The following CENPP variants were observed in gnomAD, a reference collection of about 807,000 sequenced individuals.
CENPP encodes centromere protein P.
In CENPP, 24 loss-of-function variants were observed where a neutral mutation model predicts 35.6. The observed-to-expected ratio is 0.67, with a 90% CI of 0.49 to 0.95. The LOEUF (loss-of-function observed/expected upper bound fraction) is 0.95. CENPP is among the 40% of genes least tolerant of loss of function. CENPP has a pLI of 0.00. For missense variants in CENPP, 332 were observed against 345.3 expected (o/e 0.96, Z 0.31); for synonymous variants, 120 against 125.5 (o/e 0.96, Z 0.29).
At chr9:92,514,529 C>T in intron 5 of CENPP, 1 of 1,444,114 alleles carries the variant, frequency 6.9e-7, no homozygotes, top group Admixed American at 2.5e-5. Flanking sequence ...GCCACCTCAG[C>T]CTTTCAAAGT....
At chr9:92,600,596 A>G in intron 5 of CENPP, 1 of 1,592,766 alleles carries the variant, frequency 6.3e-7, no homozygotes, top group Non-Finnish European at 8.5e-7. Context: ...CTGGGGCATC[A>G]GTCACTACCA....
chr9:92,514,957 C>T, intron 5 of CENPP: 5 of 1,614,082 alleles, frequency 3.1e-6, no homozygotes, highest in Non-Finnish European at 4.2e-6. Flanking sequence ...TCTGCTGTCC[C>T]CCTCACTGTA....
intron 5 of CENPP, among the ~76,000 whole-genome samples, chr9:92,579,966 G>T (rs866157805): frequency 6.7e-6 from 1 of 148,160 alleles, no homozygotes; most frequent in Non-Finnish European, 1.5e-5. Flanking sequence ...ATTATTTTGA[G>T]ATACGTCCCA....
chr9:92,390,329 A>G (rs1411469880), intron 5 of CENPP, among the ~76,000 whole-genome samples: 1 of 152,208 alleles, frequency 6.6e-6, no homozygotes, highest in Non-Finnish European at 1.5e-5. Context: ...TCTCTGTTCA[A>G]ATTCCTTGGG....
chr9:92,602,168 A>G (rs187719239), intron 5 of CENPP, among the ~76,000 whole-genome samples: 11 of 152,350 alleles, frequency 7.2e-5, no homozygotes, highest in African/African-American at 2.2e-4. Flanking sequence ...GGGCTTGAGC[A>G]TCACGACCAA....
chr9:92,567,654 T>C lies in CENPP; in HGVS notation c.565-43660T>C, dbSNP rs76567535. ...TTCTACATAATTTAAGAAACTAATGTATTTCAAAGAATTTGTAGCTTGTGT... is the reference window on the plus strand; with the variant it reads ...TTCTACATAATTTAAGAAACTAATGCATTTCAAAGAATTTGTAGCTTGTGT... On this transcript the variant is annotated intron_variant, in intron 5 of 7. Coordinates refer to ENST00000375587, the MANE Select transcript of CENPP (RefSeq NM_001012267.3). Among the ~76,000 whole-genome samples the C allele has an allele frequency of 6.3e-3, 960 of 152,230 alleles. 9 individuals carry two copies. Among genetic ancestry groups the C allele is most frequent in the African/African-American group, 0.022 (922 of 41,564 alleles).
intron 5 of CENPP, among the ~76,000 whole-genome samples, chr9:92,508,788 T>C (rs1404006898): frequency 3.9e-5 from 6 of 152,194 alleles, no homozygotes; most frequent in Non-Finnish European, 7.3e-5. Flanking sequence ...CCTGTGAAGT[T>C]TTTTGGGAGC....
At chr9:92,417,486 A>G in intron 5 of CENPP, 1 of 1,613,896 alleles carries the variant, frequency 6.2e-7, no homozygotes, top group Non-Finnish European at 8.5e-7. Flanking sequence ...TCCCACTGAT[A>G]AGTTTCATAT....
At chr9:92,547,117 G>A (rs1297956706) in intron 5 of CENPP, among the ~76,000 whole-genome samples, 1 of 152,166 alleles carries the variant, frequency 6.6e-6, no homozygotes, top group Non-Finnish European at 1.5e-5. Flanking sequence ...CGGCGTAAGT[G>A]TAACAGTCCA....
intron 5 of CENPP, among the ~76,000 whole-genome samples, chr9:92,412,115 TCTCA>T (rs1843462196): frequency 6.6e-6 from 1 of 151,950 alleles, no homozygotes; most frequent in African/African-American, 2.4e-5. Flanking sequence ...AGAGACGGGG[TCTCA>T]CTCTATTGCC....
intron 5 of CENPP, among the ~76,000 whole-genome samples, chr9:92,565,973 T>G (rs1369430813): frequency 6.6e-6 from 1 of 152,154 alleles, no homozygotes; most frequent in Non-Finnish European, 1.5e-5. Flanking sequence ...ATTATTAGAT[T>G]CAAATGTCCA....
At chr9:92,430,842 C>G (rs1844089629) in intron 5 of CENPP, among the ~76,000 whole-genome samples, 1 of 152,132 alleles carries the variant, frequency 6.6e-6, no homozygotes, top group Admixed American at 6.5e-5. Context: ...TGTCACCAGG[C>G]TGGAGTGCAG....
chr9:92,457,610 T>C, intron 5 of CENPP: 1 of 713,728 alleles, frequency 1.4e-6, no homozygotes, highest in Admixed American at 2.7e-5. Flanking sequence ...TGAATGTATT[T>C]TCAGGTAAAG....
intron 5 of CENPP, among the ~76,000 whole-genome samples, chr9:92,459,216 C>T (rs1845001260): frequency 6.6e-6 from 1 of 152,236 alleles, no homozygotes; most frequent in African/African-American, 2.4e-5. Context: ...TAGCACCACA[C>T]TGAAAGCGAA....
intron 5 of CENPP, chr9:92,528,055 A>G (rs1848523255): frequency 6.6e-6 from 1 of 152,634 alleles, no homozygotes; most frequent in Non-Finnish European, 1.5e-5. Context: ...GTCGCTTCCT[A>G]GAGAATCATT....
chr9:92,330,005 T>A (rs1840691726), intron 1 of CENPP, among the ~76,000 whole-genome samples: 1 of 152,230 alleles, frequency 6.6e-6, no homozygotes, highest in Admixed American at 6.5e-5. Flanking sequence ...TTACAGACTT[T>A]ATTAAGTCTT....
chr9:92,559,680 T>C (rs1423693575), intron 5 of CENPP, among the ~76,000 whole-genome samples: 2 of 152,146 alleles, frequency 1.3e-5, no homozygotes, highest in Non-Finnish European at 2.9e-5. Context: ...TAATTTTTTT[T>C]CATAGAGATG....
chr9:92,508,898 A>G (rs1350335364), intron 5 of CENPP, among the ~76,000 whole-genome samples: 1 of 152,152 alleles, frequency 6.6e-6, no homozygotes, highest in Non-Finnish European at 1.5e-5. Context: ...GGAAACAGAC[A>G]GTGTTGAGCA....
chr9:92,378,497 G>A (rs1402587058), intron 4 of CENPP, among the ~76,000 whole-genome samples: 1 of 152,158 alleles, frequency 6.6e-6, no homozygotes, highest in East Asian at 1.9e-4. Context: ...CTTGATTCCT[G>A]AAGACTCTAC....
Sources: allele counts gnomAD v4.1 joint callset (sites outside exome capture counted in the v4.1 genomes callset), GRCh38; gene constraint gnomAD v4.1.1; transcripts MANE v1.5; gene names NCBI Gene and HGNC (gene_info 2026-07-23, HGNC 2026-07-21).